Variants in AMBRA1 observed in about 807,000 individuals in gnomAD.
AMBRA1 encodes activating molecule in BECN1-regulated autophagy protein 1.
Under a neutral mutation model 125.4 loss-of-function variants are expected in AMBRA1, and 47 were observed. That is an observed-to-expected ratio of 0.37 (90% CI 0.30 to 0.48). The LOEUF (loss-of-function observed/expected upper bound fraction) is 0.48. Among genes scored for constraint, AMBRA1 ranks in the 20% least tolerant of loss-of-function variants. The pLI is 0.99. For synonymous variants in AMBRA1, 626 were observed against 655.5 expected, an observed-to-expected ratio of 0.95 and a Z score of 0.69; for missense variants, 1,331 against 1,693.4, an observed-to-expected ratio of 0.79 and a Z score of 3.76.
Position 46,547,212 on chromosome 11 carries a change from T to A in AMBRA1, c.279A>T (p.Gly93=). ...TGACACACCATGGAGTACGGCGGTG[T>A]CCAATCAGGGAATGAACACACTTGC... ...KTGKCVHSLI[G]HRRTPWCVTF... The change falls in exon 4 of 18, where the codon GGA becomes GGT. Residue 93 remains glycine, a synonymous_variant. Coordinates refer to ENST00000683756, the MANE Select transcript of AMBRA1 (RefSeq NM_001387011.1). 1 of 1,614,078 alleles carries A rather than the reference T, an allele frequency of 6.2e-7. No individual in the cohort carries two copies. The highest frequency in any genetic ancestry group is 8.5e-7 in the Non-Finnish European group (1 of 1,180,026).
At chr11:46,408,412 T>A in intron 17 of AMBRA1, 101 bp downstream of exon 17, 1 of 1,249,168 alleles carries the variant, frequency 8.0e-7, no homozygotes, top group Non-Finnish European at 1.0e-6. Flanking sequence ...CAGGTGGGCA[T>A]CACCCAGACA....
chr11:46,398,562 GC>G (rs2136570692), intron 17 of AMBRA1, among the ~76,000 whole-genome samples: 1 of 152,130 alleles, frequency 6.6e-6, no homozygotes, highest in East Asian at 1.9e-4. Flanking sequence ...TCAGCTCACT[GC>G]AAGCTCTACC....
intron 4 of AMBRA1, among the ~76,000 whole-genome samples, chr11:46,546,287 G>T (rs1953014335): frequency 6.6e-6 from 1 of 152,050 alleles, no homozygotes; most frequent in African/African-American, 2.4e-5. Context: ...CAATCCTCCT[G>T]TCTTGGTCTC....
chr11:46,475,990 T>C (rs1486691271), intron 11 of AMBRA1, among the ~76,000 whole-genome samples: 1 of 152,176 alleles, frequency 6.6e-6, no homozygotes, highest in Non-Finnish European at 1.5e-5. Context: ...CATAGCTGCA[T>C]TAGCCTTTCA....
At chr11:46,493,791 C>CT in intron 10 of AMBRA1, 83 bp from the exon 11 acceptor site, 3 of 1,088,778 alleles carry the variant, frequency 2.8e-6, no homozygotes, top group Non-Finnish European at 3.9e-6. Context: ...AAAATCTGGG[C>CT]TAAGGGACCC....
intron 7 of AMBRA1, among the ~76,000 whole-genome samples, chr11:46,517,439 G>A (rs539061626): frequency 5.5e-4 from 80 of 144,452 alleles, no homozygotes; most frequent in African/African-American, 1.8e-3. Context: ...GTAAGCCACC[G>A]CGCCCGGCTA....
At chr11:46,494,010 G>A (rs1950549435) in intron 10 of AMBRA1, 114 bp downstream of exon 10, 3 of 1,008,378 alleles carry the variant, frequency 3.0e-6, no homozygotes, top group Admixed American at 4.2e-5. Context: ...TGGGCTATGG[G>A]CCCACTAGGA....
intron 7 of AMBRA1, among the ~76,000 whole-genome samples, chr11:46,533,150 G>A (rs920465854): frequency 6.6e-6 from 1 of 151,150 alleles, no homozygotes; most frequent in South Asian, 2.1e-4. Flanking sequence ...GCTACAAAGC[G>A]AGACTCTGTC....
chr11:46,470,317 G>C (rs1477844655), intron 11 of AMBRA1, among the ~76,000 whole-genome samples: 1 of 152,088 alleles, frequency 6.6e-6, no homozygotes, highest in Non-Finnish European at 1.5e-5. Flanking sequence ...GGCCGGGCGC[G>C]GTGGCTCACG....
At chr11:46,585,375 CA>C (rs35012433) in intron 1 of AMBRA1, among the ~76,000 whole-genome samples, 7 of 139,452 alleles carry the variant, frequency 5.0e-5, no homozygotes, top group South Asian at 2.3e-4. Context: ...TAAATAATTC[CA>C]AAAAAAAAAC....
rs138191092 is a variant in AMBRA1 at position 46,460,213 on chromosome 11, T to A, written c.2522-16615A>T. Among the ~76,000 whole-genome samples the A allele has an allele frequency of 6.3e-3, 963 of 152,296 alleles. 7 individuals are homozygous for A. The highest frequency in any genetic ancestry group is 0.022 in the South Asian group (104 of 4,828). ...TACGAATGACTATTAGAATACTATG[T>A]AACAACAGAAATAAATCAATCAAAC... On this transcript the variant is annotated intron_variant, in intron 11 of 17. Transcript: ENST00000683756.
intron 15 of AMBRA1, among the ~76,000 whole-genome samples, chr11:46,416,202 T>C (rs141794454): frequency 5.1e-4 from 77 of 152,324 alleles, no homozygotes; most frequent in African/African-American, 1.7e-3. Context: ...ATTAGATTTC[T>C]CTTATGAACT....
chr11:46,496,419 A>C (rs560898718), intron 9 of AMBRA1, among the ~76,000 whole-genome samples: 1 of 152,264 alleles, frequency 6.6e-6, no homozygotes, highest in South Asian at 2.1e-4. Context: ...ATAAAGCTAG[A>C]AAAGAAGCAT....
At chr11:46,485,681 C>A (rs1424249717) in intron 11 of AMBRA1, among the ~76,000 whole-genome samples, 2 of 152,076 alleles carry the variant, frequency 1.3e-5, no homozygotes, top group East Asian at 1.9e-4. Flanking sequence ...AAAGGGCACA[C>A]GGGTAAAGCA....
chr11:46,510,434 G>A (rs1951212470), intron 8 of AMBRA1, among the ~76,000 whole-genome samples: 2 of 152,276 alleles, frequency 1.3e-5, no homozygotes, highest in Non-Finnish European at 1.5e-5. Context: ...AAATTCTCAA[G>A]TCAATCAGAC....
chr11:46,488,753 G>A (rs1027202501), intron 11 of AMBRA1, among the ~76,000 whole-genome samples: 1 of 152,108 alleles, frequency 6.6e-6, no homozygotes, highest in African/African-American at 2.4e-5. Flanking sequence ...ATCACACAAA[G>A]TATGTTCTCA....
intron 11 of AMBRA1, among the ~76,000 whole-genome samples, chr11:46,456,788 C>T (rs975089700): frequency 4.6e-5 from 7 of 152,158 alleles, no homozygotes; most frequent in Non-Finnish European, 1.0e-4. Context: ...TGGAAATGTG[C>T]TGAACGTGGG....
chr11:46,468,137 A>G (rs973354128), intron 11 of AMBRA1, among the ~76,000 whole-genome samples: 3 of 152,212 alleles, frequency 2.0e-5, no homozygotes, highest in Non-Finnish European at 4.4e-5. Context: ...TGGCCAAACA[A>G]CAGCTGCCTT....
intron 11 of AMBRA1, among the ~76,000 whole-genome samples, chr11:46,476,114 C>A (rs1025194559): frequency 6.6e-5 from 10 of 152,154 alleles, no homozygotes; most frequent in African/African-American, 2.4e-4. Flanking sequence ...ACCAAACCTC[C>A]AACACACAGT....
Sources: allele counts gnomAD v4.1 joint callset (sites outside exome capture counted in the v4.1 genomes callset), GRCh38; gene constraint gnomAD v4.1.1; transcripts MANE v1.5; gene names NCBI Gene and HGNC (gene_info 2026-07-23, HGNC 2026-07-21).